Variants in MEI1 observed in about 807,000 individuals in gnomAD.
The protein encoded by MEI1 is meiotic double-stranded break formation protein 1.
MEI1 carries 103 observed loss-of-function variants against 146.2 expected under a neutral mutation model. The ratio of observed to expected loss-of-function variants is 0.70; its 90% CI spans 0.60 to 0.83. The LOEUF (loss-of-function observed/expected upper bound fraction) is 0.83, where lower values mean the gene tolerates loss of function less well. Among genes scored for constraint, MEI1 ranks in the 40% least tolerant of loss-of-function variants. The pLI, the probability that MEI1 is intolerant of heterozygous loss-of-function variation, is 0.00. For missense variants in MEI1, 1,529 were observed against 1,533.0 expected, an observed-to-expected ratio of 1.00 and a Z score of 0.04; for synonymous variants, 652 against 628.2, an observed-to-expected ratio of 1.04 and a Z score of -0.57.
intron 24 of MEI1, 99 bp from the exon 25 acceptor site, chr22:41,784,240 A>T: frequency 2.0e-6 from 2 of 1,012,568 alleles, no homozygotes; most frequent in South Asian, 1.4e-5. Flanking sequence ...GATGCAGTGG[A>T]TATGTGGGGG....
chr22:41,775,196 G>A (rs966268552), intron 20 of MEI1, among the ~76,000 whole-genome samples: 1 of 152,182 alleles, frequency 6.6e-6, no homozygotes, highest in African/African-American at 2.4e-5. Flanking sequence ...AAAATAAAAA[G>A]CATCTTCCCA....
chr22:41,767,849 G>A (rs570961998), intron 19 of MEI1, among the ~76,000 whole-genome samples: 6 of 152,314 alleles, frequency 3.9e-5, no homozygotes, highest in Non-Finnish European at 7.4e-5. Flanking sequence ...TGGGGGACTG[G>A]TCAAGAACCA....
intron 21 of MEI1, 108 bp downstream of exon 21, chr22:41,776,375 G>A: frequency 8.1e-7 from 1 of 1,232,868 alleles, no homozygotes; most frequent in Non-Finnish European, 1.1e-6. Context: ...GGTTTTATCT[G>A]AAAAAGAAAG....
chr22:41,758,643 C>A, intron 18 of MEI1, 110 bp downstream of exon 18: 1 of 1,128,006 alleles, frequency 8.9e-7, no homozygotes, highest in Non-Finnish European at 1.2e-6. Flanking sequence ...ACTGGGGACA[C>A]GGGGATAAGT....
chr22:41,760,522 T>A (rs956050407), intron 18 of MEI1, among the ~76,000 whole-genome samples: 1 of 151,678 alleles, frequency 6.6e-6, no homozygotes, highest in Admixed American at 6.6e-5. Flanking sequence ...AAATAAATAA[T>A]TAATTAATAA....
At chr22:41,724,788 T>G (rs1314360449) in intron 7 of MEI1, among the ~76,000 whole-genome samples, 1 of 151,616 alleles carries the variant, frequency 6.6e-6, no homozygotes, top group Non-Finnish European at 1.5e-5. Context: ...GTAGATTTCC[T>G]TTCATTTGTA....
At chr22:41,715,818 T>C (rs1029812509) in intron 4 of MEI1, among the ~76,000 whole-genome samples, 6 of 152,138 alleles carry the variant, frequency 3.9e-5, no homozygotes, top group African/African-American at 1.2e-4. Context: ...TTAACAAACA[T>C]GCACTGAGCT....
At chr22:41,715,821 A>T (rs1167258200) in intron 4 of MEI1, among the ~76,000 whole-genome samples, 5 of 152,088 alleles carry the variant, frequency 3.3e-5, no homozygotes. Context: ...ACAAACATGC[A>T]CTGAGCTAGG....
rs575985766 is a variant in MEI1 at position 41,740,412 on chromosome 22, A to C, written c.1332-2668A>C. On this transcript the variant is annotated intron_variant, in intron 11 of 30. Coordinates refer to ENST00000401548, the MANE Select transcript of MEI1 (RefSeq NM_152513.4). ...GTTCAGAGTGTCTTTGGAAAGCACAACTAGAAGGAAGAATGAAGAGTGAGA... is the reference window on the plus strand; with the variant it reads ...GTTCAGAGTGTCTTTGGAAAGCACACCTAGAAGGAAGAATGAAGAGTGAGA... Among the ~76,000 whole-genome samples the C allele has an allele frequency of 2.6e-5, 4 of 152,148 alleles. No homozygotes were observed. The South Asian group carries it at 8.3e-4, about 32-fold the overall frequency.
At chr22:41,748,589 A>C (rs895840029) in intron 15 of MEI1, among the ~76,000 whole-genome samples, 5 of 152,208 alleles carry the variant, frequency 3.3e-5, no homozygotes, top group Non-Finnish European at 7.3e-5. Flanking sequence ...ATAATAACTA[A>C]CATTTAAGTT....
chr22:41,760,680 C>T (rs925092872), intron 18 of MEI1, among the ~76,000 whole-genome samples: 1 of 152,194 alleles, frequency 6.6e-6, no homozygotes, highest in Admixed American at 6.5e-5. Flanking sequence ...AATTTCTGTC[C>T]CTTTCAAGGG....
Position 41,714,036 on chromosome 22 carries a change from GC to G in MEI1, c.385del (p.Gln129ArgfsTer27). The G allele has an allele frequency of 6.2e-7, 1 of 1,600,532 alleles. No homozygotes were observed. The highest frequency in any genetic ancestry group is 8.5e-7 in the Non-Finnish European group (1 of 1,173,532). ...IQITTQLKLEQTIRCLLDECH... is the reference protein window; with the variant it reads ...IQITTQLKLEXTIRCLLDECH... Reference sequence around the variant, plus strand: ...AGATCACAACGCAGCTGAAGCTGGAGCAGACTATCCGTTGCCTGCTGGATGA... The same window carrying G: ...AGATCACAACGCAGCTGAAGCTGGAGAGACTATCCGTTGCCTGCTGGATGA... On this transcript the variant is annotated frameshift_variant, in exon 4 of 31. Coordinates refer to ENST00000401548, the MANE Select transcript of MEI1 (RefSeq NM_152513.4). LOFTEE classifies it high-confidence loss of function.
intron 11 of MEI1, among the ~76,000 whole-genome samples, chr22:41,740,308 G>A (rs1047316088): frequency 9.9e-5 from 15 of 151,898 alleles, no homozygotes; most frequent in African/African-American, 3.4e-4. Flanking sequence ...GTGATCCACC[G>A]CGCCCGGCCA....
At position 41,730,542 on chromosome 22, in the gene MEI1, CT is replaced by C; in HGVS notation, c.1003del (p.Ser335LeufsTer14). ...DIPEFLFEHL[S>X]SSSEVLVWSS... ...TTAGAGTTCCTCTTTGAGCATCTTTCTTCTTCCAGTGAAGTGCTCGTCTGGT... is the reference window on the plus strand; with the variant it reads ...TTAGAGTTCCTCTTTGAGCATCTTTCTCTTCCAGTGAAGTGCTCGTCTGGT... On this transcript the variant is annotated frameshift_variant, in exon 9 of 31. Coordinates refer to ENST00000401548, the MANE Select transcript of MEI1 (RefSeq NM_152513.4). LOFTEE classifies it high-confidence loss of function. 3 of 1,613,536 alleles carry C rather than the reference CT, an allele frequency of 1.9e-6. No homozygotes were observed. Among genetic ancestry groups the C allele is most frequent in the Non-Finnish European group, 2.5e-6 (3 of 1,179,496 alleles).
chr22:41,722,784 G>C (rs778569288), intron 6 of MEI1, among the ~76,000 whole-genome samples: 1 of 151,976 alleles, frequency 6.6e-6, no homozygotes, highest in Non-Finnish European at 1.5e-5. Context: ...GGTCCTCTGG[G>C]CTTTTTTCCA....
intron 11 of MEI1, among the ~76,000 whole-genome samples, chr22:41,733,971 A>G (rs1489757874): frequency 6.6e-6 from 1 of 151,498 alleles, no homozygotes; most frequent in Admixed American, 6.6e-5. Context: ...TACTAAAAAT[A>G]TAAAAAATTA....
chr22:41,745,085 T>A, intron 13 of MEI1, 21 bp downstream of exon 13: 4 of 1,485,460 alleles, frequency 2.7e-6, no homozygotes, highest in Non-Finnish European at 3.6e-6. Flanking sequence ...CTCTGAGGTA[T>A]GAAGTAATAG....
intron 11 of MEI1, among the ~76,000 whole-genome samples, chr22:41,734,319 G>A (rs893123732): frequency 1.3e-5 from 2 of 151,998 alleles, no homozygotes; most frequent in Admixed American, 6.6e-5. Flanking sequence ...TAGACGGGGC[G>A]CGGTGGCTCA....
In MEI1 at chr22:41,784,663, G is replaced by A. The variant is rs772961403; in HGVS notation, c.3225G>A (p.Leu1075=). Residue 1075 remains leucine (L), a synonymous_variant, in exon 26 of 31, where the codon CTG becomes CTA. Coordinates refer to ENST00000401548, the MANE Select transcript of MEI1 (RefSeq NM_152513.4). The part of the protein sequence containing the change: ...TALRQSFSSA[L]VALVPSGAQP... Reference sequence around the variant, plus strand: ...TGCGACAAAGCTTTTCCTCTGCCCTGGTAGCCCTGGTGCCCTCAGGGGCCC... The same window carrying A: ...TGCGACAAAGCTTTTCCTCTGCCCTAGTAGCCCTGGTGCCCTCAGGGGCCC... 6.2e-7 allele frequency: 1 copy of A among 1,613,746 alleles called. No individual in the cohort carries two copies. Among genetic ancestry groups the A allele is most frequent in the East Asian group, 2.2e-5 (1 of 44,872 alleles).
Sources: allele counts gnomAD v4.1 joint callset (sites outside exome capture counted in the v4.1 genomes callset), GRCh38; gene constraint gnomAD v4.1.1; transcripts MANE v1.5; gene names NCBI Gene and HGNC (gene_info 2026-07-23, HGNC 2026-07-21).